TMCC1: variants seen among roughly 807,000 people sequenced by gnomAD.
TMCC1 encodes transmembrane and coiled-coil domains protein 1.
A neutral mutation model predicts 52.4 loss-of-function variants in TMCC1; 15 were observed. The observed-to-expected ratio is 0.29, with a 90% CI of 0.19 to 0.44. The LOEUF (loss-of-function observed/expected upper bound fraction) is 0.44, where lower values mean the gene tolerates loss of function less well. Among genes scored for constraint, TMCC1 ranks in the 20% least tolerant of loss-of-function variants. The pLI is 1.00. For missense variants in TMCC1, 503 were observed against 806.0 expected (o/e 0.62, Z 4.55); for synonymous variants, 279 against 301.9 (o/e 0.92, Z 0.79).
chr3:129,848,601 A>T (rs2059772089), intron 2 of TMCC1, among the ~76,000 whole-genome samples: 1 of 152,184 alleles, frequency 6.6e-6, no homozygotes, highest in Non-Finnish European at 1.5e-5. Flanking sequence ...CTGCCAATCT[A>T]ACTCTGATTC....
Position 129,688,702 on chromosome 3 carries a change from G to A in TMCC1, c.577-17438C>T, listed in dbSNP as rs372748765. 3.3e-5 allele frequency: 33 copies of A among 985,432 alleles called. No individual in the cohort carries two copies. In the East Asian group the frequency reaches 1.5e-3, roughly 44 times the overall value. 61.0% of individuals were successfully genotyped at this position (985,432 alleles called of 1,614,324 possible). On this transcript the variant is annotated intron_variant, in intron 4 of 6. Coordinates refer to ENST00000393238, the MANE Select transcript of TMCC1 (RefSeq NM_001017395.5). ...AACAAGCATCCGTGTGTGTGCGCGC[G>A]CACGCAGTTTGCTAGAGCAGCTAAT... is the stretch of plus-strand genomic sequence containing the variant.
chr3:129,720,140 C>T (rs1339707855), intron 4 of TMCC1, among the ~76,000 whole-genome samples: 1 of 147,760 alleles, frequency 6.8e-6, no homozygotes, highest in African/African-American at 2.6e-5. Flanking sequence ...TGTGTTTGTG[C>T]CAGTGCACTC....
chr3:129,669,503 C>T (rs2087744227), intron 5 of TMCC1, among the ~76,000 whole-genome samples: 2 of 149,004 alleles, frequency 1.3e-5, no homozygotes, highest in East Asian at 4.0e-4. Flanking sequence ...GGTGAGATCT[C>T]GGCTCACCGC....
At position 129,707,676 on chromosome 3, in the gene TMCC1, G is replaced by A. The variant is rs186820632; in HGVS notation, c.577-36412C>T. Among the ~76,000 whole-genome samples, 355 of 152,324 alleles carry A rather than the reference G, an allele frequency of 2.3e-3. 6 individuals are homozygous for A. Among genetic ancestry groups the A allele is most frequent in the Non-Finnish European group, 5.3e-4 (36 of 68,030 alleles). Reference sequence around the variant, plus strand: ...TGGTCAGACGTGGTGGCTCACGCCTGTAATCCCAGCACTTTGGGAGGCCGA... The same window carrying A: ...TGGTCAGACGTGGTGGCTCACGCCTATAATCCCAGCACTTTGGGAGGCCGA... On this transcript the variant is annotated intron_variant, in intron 4 of 6. Coordinates refer to ENST00000393238, the MANE Select transcript of TMCC1 (RefSeq NM_001017395.5).
intron 4 of TMCC1, among the ~76,000 whole-genome samples, chr3:129,810,130 G>C (rs1418590687): frequency 1.3e-5 from 2 of 152,192 alleles, no homozygotes; most frequent in Non-Finnish European, 2.9e-5. Flanking sequence ...GCCAAGGTGG[G>C]TGGATGGCTT....
At chr3:129,853,812 A>C (rs1055138584) in intron 2 of TMCC1, among the ~76,000 whole-genome samples, 2 of 152,198 alleles carry the variant, frequency 1.3e-5, no homozygotes, top group Non-Finnish European at 1.5e-5. Context: ...AAAACAAAAC[A>C]AAACCTGTCT....
chr3:129,867,410 A>G (rs146485712), intron 2 of TMCC1, among the ~76,000 whole-genome samples: 1 of 152,312 alleles, frequency 6.6e-6, no homozygotes, highest in African/African-American at 2.4e-5. Context: ...TTCCTTCTTT[A>G]TATTTCCATA....
rs530474661 is a variant in TMCC1, at chr3:129,853,314, T to C, written c.-183-20488A>G. On this transcript the variant is annotated intron_variant, in intron 2 of 6. Transcript: ENST00000393238. ...CCTATGACAAATCAGTTCCTACATA[T>C]GTATTTACTTGTATCTTAAGAATAA... Among the ~76,000 whole-genome samples the C allele has an allele frequency of 9.9e-5, 15 of 152,250 alleles. 1 individual carries two copies. The highest frequency in any genetic ancestry group is 9.8e-4 in the Admixed American group (15 of 15,280).
intron 4 of TMCC1, among the ~76,000 whole-genome samples, chr3:129,708,728 T>A (rs768267142): frequency 2.6e-5 from 4 of 152,228 alleles, no homozygotes; most frequent in Non-Finnish European, 5.9e-5. Flanking sequence ...CAGGCTGACA[T>A]TTATCTAAAT....
At chr3:129,770,554 G>A (rs960739030) in intron 4 of TMCC1, among the ~76,000 whole-genome samples, 11 of 150,868 alleles carry the variant, frequency 7.3e-5, no homozygotes, top group Admixed American at 6.6e-4. Flanking sequence ...CTCCAGCCTG[G>A]GTGACAGAGC....
At chr3:129,850,105 G>A (rs2059849936) in intron 2 of TMCC1, among the ~76,000 whole-genome samples, 1 of 152,056 alleles carries the variant, frequency 6.6e-6, no homozygotes, top group Non-Finnish European at 1.5e-5. Flanking sequence ...AAAAAAAAAT[G>A]TGGAAGGATA....
At chr3:129,687,543 G>T (rs2089490406) in intron 4 of TMCC1, among the ~76,000 whole-genome samples, 1 of 152,088 alleles carries the variant, frequency 6.6e-6, no homozygotes, top group South Asian at 2.1e-4. Context: ...TCTAATAACG[G>T]CTAATATGTA....
intron 2 of TMCC1, among the ~76,000 whole-genome samples, chr3:129,846,156 G>GA (rs1397667476): frequency 6.6e-6 from 1 of 152,084 alleles, no homozygotes; most frequent in Non-Finnish European, 1.5e-5. Context: ...GGCGTTGGGG[G>GA]AAAAATTCTC....
rs371159986 is a variant in TMCC1 at position 129,667,432 on chromosome 3, A to G, written c.1511+2898T>C. 1.4e-3 allele frequency among the ~76,000 whole-genome samples: 212 copies of G among 152,054 alleles called. 2 individuals carry two copies. The highest frequency in any genetic ancestry group is 4.8e-3 in the African/African-American group (199 of 41,508). On this transcript the variant is annotated intron_variant, in intron 5 of 6. Transcript: ENST00000393238. ...GACTTTTCCACTCCCTTTTTTGGGG[A>G]AAAAAAGGGCTTTCTTTCTTCAAGA... is the stretch of plus-strand genomic sequence containing the variant.
At chr3:129,805,008 C>T (rs908176464) in intron 4 of TMCC1, among the ~76,000 whole-genome samples, 2 of 152,054 alleles carry the variant, frequency 1.3e-5, no homozygotes, top group Non-Finnish European at 2.9e-5. Context: ...AAAACTGCTC[C>T]AGTATTGGCA....
intron 4 of TMCC1, among the ~76,000 whole-genome samples, chr3:129,716,597 C>T (rs1247090116): frequency 1.3e-5 from 2 of 151,422 alleles, no homozygotes; most frequent in Non-Finnish European, 2.9e-5. Context: ...GATCTGCCCG[C>T]CTCGGCCTCC....
At chr3:129,885,795 T>G (rs879528105) in intron 1 of TMCC1, among the ~76,000 whole-genome samples, 2 of 151,686 alleles carry the variant, frequency 1.3e-5, no homozygotes, top group Non-Finnish European at 2.9e-5. Flanking sequence ...CAGGTTGGAG[T>G]GCAGTGGCGC....
chr3:129,706,751 C>T (rs910309221), intron 4 of TMCC1, among the ~76,000 whole-genome samples: 5 of 152,226 alleles, frequency 3.3e-5, no homozygotes, highest in South Asian at 2.1e-4. Flanking sequence ...AATAAGGCTT[C>T]CTAAAGTCTA....
intron 4 of TMCC1, among the ~76,000 whole-genome samples, chr3:129,814,000 A>G (rs1446687447): frequency 5.0e-5 from 7 of 139,310 alleles, no homozygotes; most frequent in Non-Finnish European, 1.1e-4. Context: ...TTTTTTTTGT[A>G]TAATAAAGCA....
Sources: allele counts gnomAD v4.1 joint callset (sites outside exome capture counted in the v4.1 genomes callset), GRCh38; gene constraint gnomAD v4.1.1; transcripts MANE v1.5; gene names NCBI Gene and HGNC (gene_info 2026-07-23, HGNC 2026-07-21).